Variants in GRIK2 observed in about 807,000 individuals in gnomAD.
GRIK2 encodes the protein glutamate ionotropic receptor kainate type subunit 2, also known as glutamate receptor ionotropic, kainate 2.
In GRIK2, 32 loss-of-function variants were observed where a neutral mutation model predicts 100.3. The ratio of observed to expected loss-of-function variants is 0.32; its 90% CI spans 0.24 to 0.43. The LOEUF (loss-of-function observed/expected upper bound fraction) is 0.43. Among genes scored for constraint, GRIK2 ranks in the 20% least tolerant of loss-of-function variants. GRIK2 has a pLI of 1.00. For synonymous variants in GRIK2, 417 were observed against 389.4 expected (o/e 1.07, Z -0.83); for missense variants, 843 against 1,114.9 (o/e 0.76, Z 3.47).
chr6:101,533,190 G>A (rs1775526239), intron 2 of GRIK2, among the ~76,000 whole-genome samples: 1 of 151,788 alleles, frequency 6.6e-6, no homozygotes, highest in Admixed American at 6.6e-5. Flanking sequence ...TAAGCACTTT[G>A]ACTTTTAGAT....
chr6:101,616,205 A>G (rs1779886858), intron 2 of GRIK2, among the ~76,000 whole-genome samples: 1 of 151,866 alleles, frequency 6.6e-6, no homozygotes, highest in South Asian at 2.1e-4. Context: ...TGAAGCAAAG[A>G]CACAAACACC....
intron 2 of GRIK2, among the ~76,000 whole-genome samples, chr6:101,526,563 A>C (rs757309228): frequency 4.6e-5 from 7 of 152,192 alleles, no homozygotes; most frequent in Non-Finnish European, 8.8e-5. Context: ...ATTGGTTAGC[A>C]CTAATTTTCT....
intron 12 of GRIK2, among the ~76,000 whole-genome samples, chr6:101,902,138 A>G (rs1787890263): frequency 6.6e-6 from 1 of 152,022 alleles, no homozygotes; most frequent in African/African-American, 2.4e-5. Flanking sequence ...CATAGTTTAA[A>G]TATTCCCACA....
intron 14 of GRIK2, among the ~76,000 whole-genome samples, chr6:101,963,278 ATTTTTTTTTTTTTTTTTTTTTTTTTTTTT>A (rs3029099): frequency 3.6e-5 from 1 of 27,822 alleles, no homozygotes; most frequent in African/African-American, 1.2e-4. Flanking sequence ...CTTATTTAGG[ATTTTTTTTTTTTTTTTTTTTTTTTTTTTT>A]TTTTTTTTGA....
At chr6:101,705,492 G>T (rs1562323183) in intron 7 of GRIK2, among the ~76,000 whole-genome samples, 1 of 151,596 alleles carries the variant, frequency 6.6e-6, no homozygotes, top group Non-Finnish European at 1.5e-5. Context: ...ACTGGTCATT[G>T]GTTATTAGAA....
chr6:101,910,153 T>C (rs1788573102), intron 12 of GRIK2, among the ~76,000 whole-genome samples: 1 of 151,180 alleles, frequency 6.6e-6, no homozygotes. Flanking sequence ...GGCAGTGGTA[T>C]ATGTTTCTAA....
rs536789189 is a variant in GRIK2 at position 101,599,670 on chromosome 6, CT to C, written c.116-22272del. On this transcript the variant is annotated intron_variant, in intron 2 of 16. Transcript: ENST00000369134. Reference sequence around the variant, plus strand: ...TTCTCTAATGATCAGTGATATTGAGCTTTTTTTCATATGCTTGTTGACCACA... The same window carrying C: ...TTCTCTAATGATCAGTGATATTGAGCTTTTTTCATATGCTTGTTGACCACA... Among the ~76,000 whole-genome samples the C allele has an allele frequency of 1.6e-3, 247 of 151,754 alleles. 2 individuals are homozygous for C. The highest frequency in any genetic ancestry group is 5.7e-3 in the African/African-American group (236 of 41,478).
At chr6:101,730,879 A>G (rs984860147) in intron 7 of GRIK2, among the ~76,000 whole-genome samples, 1 of 151,984 alleles carries the variant, frequency 6.6e-6, no homozygotes, top group African/African-American at 2.4e-5. Context: ...GTGTTTAAAA[A>G]GAGTGAAGAG....
intron 2 of GRIK2, among the ~76,000 whole-genome samples, chr6:101,516,863 TAAC>T (rs1774612767): frequency 6.6e-6 from 1 of 152,126 alleles, no homozygotes; most frequent in Non-Finnish European, 1.5e-5. Flanking sequence ...TGTTCAGTGA[TAAC>T]ACATCTTTTT....
chr6:102,064,363 CTTCT>C (rs140157701), intron 16 of GRIK2, among the ~76,000 whole-genome samples: 3,857 of 142,284 alleles, frequency 0.027, 140 homozygotes, highest in Admixed American at 0.097. Context: ...TCCTTCCTTC[CTTCT>C]TTCTTTCTTT....
chr6:101,829,852 A>T (rs1324594633), intron 10 of GRIK2, among the ~76,000 whole-genome samples: 2 of 152,040 alleles, frequency 1.3e-5, no homozygotes, highest in Non-Finnish European at 2.9e-5. Flanking sequence ...TACTGCCCAA[A>T]GCAATCTATA....
At chr6:101,817,995 A>G (rs1291178219) in intron 9 of GRIK2, among the ~76,000 whole-genome samples, 6 of 152,188 alleles carry the variant, frequency 3.9e-5, no homozygotes, top group African/African-American at 1.4e-4. Context: ...TCTGTATAAT[A>G]TGGCATGTTA....
chr6:102,020,845 T>G (rs1212083199), intron 14 of GRIK2, among the ~76,000 whole-genome samples: 1 of 151,836 alleles, frequency 6.6e-6, no homozygotes, highest in African/African-American at 2.4e-5. Context: ...ATAAGGATAT[T>G]CCGAAGGAAC....
At chr6:101,793,475 C>T (rs1427024839) in intron 7 of GRIK2, among the ~76,000 whole-genome samples, 1 of 152,190 alleles carries the variant, frequency 6.6e-6, no homozygotes, top group African/African-American at 2.4e-5. Context: ...AGGACCACTC[C>T]AGACCCTGTT....
chr6:101,604,864 TAAGTCCCC>T lies in GRIK2; in HGVS notation c.116-17082_116-17075del, dbSNP rs553396032. ...TTCCCTTTTTAGGCACAATTAAATA[TAAGTCCCC>T]AAACCAGCAGGTAGCTTGAATCTTC... On this transcript the variant is annotated intron_variant, in intron 2 of 16. Transcript: ENST00000369134. Among the ~76,000 whole-genome samples, 613 of 152,068 alleles carry T rather than the reference TAAGTCCCC, an allele frequency of 4.0e-3. 1 individual carries two copies. The highest frequency in any genetic ancestry group is 0.014 in the African/African-American group (581 of 41,552).
intron 5 of GRIK2, among the ~76,000 whole-genome samples, chr6:101,679,809 G>A (rs1771106321): frequency 6.6e-6 from 1 of 152,088 alleles, no homozygotes. Context: ...GTGCGATCTC[G>A]GCTCACTGCA....
At chr6:101,842,184 C>T (rs1048457629) in intron 10 of GRIK2, among the ~76,000 whole-genome samples, 6 of 152,070 alleles carry the variant, frequency 3.9e-5, no homozygotes, top group African/African-American at 1.4e-4. Context: ...TGCTATTTCC[C>T]CCCGGACTTT....
chr6:101,405,015 G>A (rs1373651051), intron 2 of GRIK2, among the ~76,000 whole-genome samples: 1 of 152,106 alleles, frequency 6.6e-6, no homozygotes, highest in Non-Finnish European at 1.5e-5. Context: ...GCGGTCATGG[G>A]GCGATAAAGA....
At chr6:102,014,650 T>C (rs893402910) in intron 14 of GRIK2, among the ~76,000 whole-genome samples, 3 of 152,220 alleles carry the variant, frequency 2.0e-5, no homozygotes, top group African/African-American at 7.2e-5. Context: ...TTCTCATTCA[T>C]TTCAAAGAAC....
Sources: gnomAD v4.1 joint callset for allele counts (sites outside exome capture counted in the v4.1 genomes callset) on GRCh38, gnomAD v4.1.1 for gene constraint, MANE v1.5 for transcripts, NCBI Gene and HGNC (gene_info 2026-07-23, HGNC 2026-07-21) for gene names.